Variants in FAM107B observed in about 807,000 individuals in gnomAD.
FAM107B encodes family with sequence similarity 107 member B, also known as protein FAM107B.
A neutral mutation model predicts 31.5 loss-of-function variants in FAM107B; 21 were observed. The ratio of observed to expected loss-of-function variants is 0.67; its 90% confidence interval spans 0.47 to 0.96. FAM107B has a LOEUF of 0.96. Among genes scored for constraint, FAM107B ranks in the 40% least tolerant of loss-of-function variants. The probability of loss-of-function intolerance (pLI) is 0.00; values close to 1 mark genes in which losing one functional copy is unlikely to be tolerated. For synonymous variants in FAM107B, 157 were observed against 141.5 expected, an observed-to-expected ratio of 1.11 and a Z score of -0.78; for missense variants, 452 against 377.1, an observed-to-expected ratio of 1.20 and a Z score of -1.64.
intron 2 of FAM107B, among the ~76,000 whole-genome samples, chr10:14,617,289 T>C (rs1852878704): frequency 6.6e-6 from 1 of 152,094 alleles, no homozygotes; most frequent in Admixed American, 6.5e-5. Flanking sequence ...TTGTTGCATA[T>C]CAAGATAAAA....
chr10:14,659,647 G>A (rs752920920), intron 2 of FAM107B, among the ~76,000 whole-genome samples: 7 of 152,202 alleles, frequency 4.6e-5, no homozygotes, highest in Non-Finnish European at 8.8e-5. Flanking sequence ...AGAGGGGTGT[G>A]TGACTGAGAT....
intron 2 of FAM107B, among the ~76,000 whole-genome samples, chr10:14,583,802 A>G (rs10508478): frequency 0.27 from 40,293 of 152,004 alleles, 5,558 homozygotes; most frequent in Admixed American, 0.34. Flanking sequence ...CACCGGAAGA[A>G]TCTTCTATAG....
intron 2 of FAM107B, among the ~76,000 whole-genome samples, chr10:14,539,134 T>C (rs192806670): frequency 1.3e-5 from 2 of 152,366 alleles, no homozygotes; most frequent in Non-Finnish European, 1.5e-5. Context: ...AATGACCGTA[T>C]ACCGCAAGTA....
intron 2 of FAM107B, among the ~76,000 whole-genome samples, chr10:14,640,836 G>A (rs1272774350): frequency 6.6e-6 from 1 of 152,102 alleles, no homozygotes; most frequent in African/African-American, 2.4e-5. Context: ...CACTCCCAAA[G>A]GATATTGGCA....
At chr10:14,662,567 T>C (rs755278) in intron 2 of FAM107B, among the ~76,000 whole-genome samples, 38,944 of 151,968 alleles carry the variant, frequency 0.26, 5,707 homozygotes, top group South Asian at 0.38. Context: ...TTGTAGAGAC[T>C]GGGTCTCACC....
chr10:14,715,990 C>T (rs1473722088), intron 1 of FAM107B, among the ~76,000 whole-genome samples: 1 of 152,154 alleles, frequency 6.6e-6, no homozygotes, highest in East Asian at 1.9e-4. Flanking sequence ...TATAAATCTA[C>T]ATTTATATAG....
intron 2 of FAM107B, among the ~76,000 whole-genome samples, chr10:14,648,257 A>C (rs1435056532): frequency 1.3e-5 from 2 of 152,110 alleles, no homozygotes; most frequent in Non-Finnish European, 2.9e-5. Context: ...ACTTAGTAAA[A>C]CCGAACTGCT....
intron 2 of FAM107B, among the ~76,000 whole-genome samples, chr10:14,541,128 G>A (rs574869053): frequency 6.3e-4 from 96 of 151,970 alleles, no homozygotes; most frequent in Non-Finnish European, 1.2e-3. Context: ...TCTGAAAATC[G>A]CCCCCTATCA....
At chr10:14,766,117 G>A (rs1833156610) in intron 1 of FAM107B, among the ~76,000 whole-genome samples, 1 of 152,138 alleles carries the variant, frequency 6.6e-6, no homozygotes, top group Admixed American at 6.5e-5. Flanking sequence ...AGGTGAACAA[G>A]AGTTCCAAGA....
At chr10:14,604,396 G>A (rs969824446) in intron 2 of FAM107B, 5 of 259,822 alleles carry the variant, frequency 1.9e-5, no homozygotes, top group African/African-American at 7.0e-5. Context: ...GCGCAGGGCG[G>A]CTCTCGCTCC....
At chr10:14,568,627 T>A (rs61842691) in intron 2 of FAM107B, among the ~76,000 whole-genome samples, 15 of 86,492 alleles carry the variant, frequency 1.7e-4, no homozygotes, top group African/African-American at 7.3e-4. Flanking sequence ...AGGAGGAGGG[T>A]GGCTGATCTC....
chr10:14,667,574 T>C, intron 2 of FAM107B, 60 bp downstream of exon 2: 1 of 1,575,400 alleles, frequency 6.3e-7, no homozygotes, highest in Non-Finnish European at 8.7e-7. Context: ...CTTAGGATGC[T>C]CCAAGCACTT....
chr10:14,709,324 G>C (rs760925592), intron 1 of FAM107B, among the ~76,000 whole-genome samples: 1 of 152,132 alleles, frequency 6.6e-6, no homozygotes, highest in Non-Finnish European at 1.5e-5. Flanking sequence ...CTCGAGACTG[G>C]GCAATTTACA....
At chr10:14,582,646 G>C (rs1324414182) in intron 2 of FAM107B, among the ~76,000 whole-genome samples, 1 of 151,702 alleles carries the variant, frequency 6.6e-6, no homozygotes, top group Non-Finnish European at 1.5e-5. Flanking sequence ...CAAAGAGCTG[G>C]GATTACAGGC....
At chr10:14,604,785 C>T (rs1430492377) in intron 2 of FAM107B, among the ~76,000 whole-genome samples, 2 of 152,176 alleles carry the variant, frequency 1.3e-5, no homozygotes, top group Non-Finnish European at 2.9e-5. Flanking sequence ...CACACATTCT[C>T]TCTTCTTTTA....
chr10:14,570,165 T>A (rs1271325187), intron 2 of FAM107B, among the ~76,000 whole-genome samples: 1 of 152,120 alleles, frequency 6.6e-6, no homozygotes, highest in Non-Finnish European at 1.5e-5. Context: ...TATGTTAATA[T>A]AAGGGTAGCC....
At position 14,530,471 on chromosome 10, in the gene FAM107B, T is replaced by C. The variant is rs1286718889; in HGVS notation, c.514A>G (p.Thr172Ala). The change falls in exon 3 of 5, where the codon ACA (threonine) becomes GCA (alanine). Residue 172 changes from threonine to alanine, a missense_variant. Coordinates refer to ENST00000181796, the MANE Select transcript of FAM107B (RefSeq NM_031453.4). ...TCTGGCTCGGCCATGATGCTTCTTG[T>C]AATGAGATATGAGTCCTTATGGTCA... Reference protein sequence around the residue: ...DIDHKDSYLITRSIMAEPDYI... With the variant: ...DIDHKDSYLIARSIMAEPDYI... 6.2e-7 allele frequency: 1 copy of C among 1,614,052 alleles called. No individual in the cohort carries two copies. The highest frequency in any genetic ancestry group is 8.5e-7 in the Non-Finnish European group (1 of 1,180,020).
intron 1 of FAM107B, among the ~76,000 whole-genome samples, chr10:14,755,116 T>G (rs963790569): frequency 5.3e-5 from 8 of 152,190 alleles, no homozygotes; most frequent in Non-Finnish European, 1.0e-4. Flanking sequence ...ACCAACCAGT[T>G]GAGCCAAGTC....
rs147769184 is a variant in FAM107B, at chr10:14,734,111, T to G, written c.411+40142A>C. Among the ~76,000 whole-genome samples, 69 of 152,274 alleles carry G rather than the reference T, an allele frequency of 4.5e-4. No individual in the cohort carries two copies. In the South Asian group the frequency reaches 4.6e-3, roughly 10 times the overall value. On this transcript the variant is annotated intron_variant, in intron 1 of 4. Transcript: ENST00000181796. ...TCCTTTAAAAAAAAATATATACAACTTCTTGTTCTGAAAACAATGCCAATC... is the reference window on the plus strand; with the variant it reads ...TCCTTTAAAAAAAAATATATACAACGTCTTGTTCTGAAAACAATGCCAATC...
Sources: allele counts gnomAD v4.1 joint callset (sites outside exome capture counted in the v4.1 genomes callset), GRCh38; gene constraint gnomAD v4.1.1; transcripts MANE v1.5; gene names NCBI Gene and HGNC (gene_info 2026-07-23, HGNC 2026-07-21).